The following CNOT1 variants were observed in gnomAD, a reference collection of about 807,000 sequenced individuals.
CNOT1 encodes CCR4-NOT transcription complex subunit 1.
CNOT1 carries 15 observed loss-of-function variants against 273.8 expected under a neutral mutation model. That is an observed-to-expected ratio of 0.05 (90% confidence interval 0.04 to 0.08). CNOT1 has a LOEUF of 0.08. Among genes scored for constraint, CNOT1 ranks in the 10% least tolerant of loss-of-function variants. The pLI, the probability that CNOT1 is intolerant of heterozygous loss-of-function variation, is 1.00. For synonymous variants in CNOT1, 1,022 were observed against 1,005.5 expected (o/e 1.02, Z -0.31); for missense variants, 1,644 against 2,912.2 (o/e 0.56, Z 10.02).
intron 18 of CNOT1, among the ~76,000 whole-genome samples, chr16:58,557,714 C>T (rs780023737): frequency 2.0e-5 from 3 of 152,136 alleles, no homozygotes; most frequent in Non-Finnish European, 2.9e-5. Context: ...TGTGGCCAAG[C>T]GCAGTGGCTC....
At chr16:58,626,000 T>C (rs774774802) in intron 1 of CNOT1, among the ~76,000 whole-genome samples, 1 of 152,140 alleles carries the variant, frequency 6.6e-6, no homozygotes, top group Non-Finnish European at 1.5e-5. Context: ...AGTCACTCAA[T>C]GGGATGCCAT....
chr16:58,554,762 C>G (rs192855855), intron 21 of CNOT1, among the ~76,000 whole-genome samples: 1 of 151,546 alleles, frequency 6.6e-6, no homozygotes, highest in African/African-American at 2.4e-5. Flanking sequence ...ATGGTGGAAC[C>G]CTGTCTCTAC....
intron 38 of CNOT1, among the ~76,000 whole-genome samples, chr16:58,537,629 T>C (rs1204293557): frequency 2.0e-5 from 3 of 152,194 alleles, no homozygotes; most frequent in Non-Finnish European, 4.4e-5. Flanking sequence ...TCAGAAAGCT[T>C]TTAAGTGGCA....
chr16:58,612,937 T>G (rs1306113232), intron 1 of CNOT1, among the ~76,000 whole-genome samples: 1 of 152,166 alleles, frequency 6.6e-6, no homozygotes, highest in African/African-American at 2.4e-5. Context: ...TCTTTAATCC[T>G]CACAACTCAA....
At chr16:58,545,619 T>C (rs1242267167) in intron 29 of CNOT1, 128 bp from the exon 30 acceptor site, 297 of 976,230 alleles carry the variant, frequency 3.0e-4, no homozygotes, top group East Asian at 7.3e-4. Context: ...GGGAAGGATG[T>C]AGCAGGTCCT....
intron 2 of CNOT1, among the ~76,000 whole-genome samples, chr16:58,590,610 A>G (rs1273382023): frequency 6.6e-6 from 1 of 151,708 alleles, no homozygotes; most frequent in African/African-American, 2.4e-5. Context: ...AAAAAAAAAT[A>G]GAACAGAGTC....
At position 58,552,572 on chromosome 16, in the gene CNOT1, C is replaced by G. The variant is rs16960245; in HGVS notation, c.2971-753G>C. On this transcript the variant is annotated intron_variant, in intron 22 of 48. Coordinates refer to ENST00000317147, the MANE Select transcript of CNOT1 (RefSeq NM_016284.5). ...TATATTCCTGTCTCTTAATTTGTCT[C>G]AATCCACTCACTTGAATGAATATAC... is the stretch of plus-strand genomic sequence containing the variant. Among the ~76,000 whole-genome samples, 394 of 152,270 alleles carry G rather than the reference C, an allele frequency of 2.6e-3. 3 individuals carry two copies. Among genetic ancestry groups the G allele is most frequent in the African/African-American group, 8.8e-3 (366 of 41,554 alleles).
Position 58,521,750 on chromosome 16 carries a change from G to C in CNOT1, c.6918-433C>G, listed in dbSNP as rs187529915. 3.6e-4 allele frequency among the ~76,000 whole-genome samples: 54 copies of C among 151,908 alleles called. 2 individuals are homozygous for C. The South Asian group carries it at 0.011, about 31-fold the overall frequency. On this transcript the variant is annotated intron_variant, in intron 47 of 48. Transcript: ENST00000317147. The stretch of plus-strand genomic sequence containing the variant: ...GTGGATCACCTGAGGTCAGGAGTTC[G>C]AGACCAGCCTGGCCAACATGGTGAA...
At chr16:58,564,931 C>T (rs545333305) in intron 16 of CNOT1, among the ~76,000 whole-genome samples, 6 of 151,732 alleles carry the variant, frequency 4.0e-5, no homozygotes, top group South Asian at 2.1e-4. Context: ...AGAAAAACTC[C>T]GTCTCAAAAA....
chr16:58,573,199 G>A (rs2041339693), intron 16 of CNOT1, among the ~76,000 whole-genome samples: 3 of 151,022 alleles, frequency 2.0e-5, no homozygotes, highest in Middle Eastern at 3.2e-3. Flanking sequence ...CCAGCTACTC[G>A]GCAGGCTGAG....
At chr16:58,608,667 C>CAT (rs34055357) in intron 1 of CNOT1, among the ~76,000 whole-genome samples, 112,596 of 151,804 alleles carry the variant, frequency 0.74, 42,171 homozygotes, top group Middle Eastern at 0.86. Context: ...TACTTGCACA[C>CAT]GTTTACAGCA....
intron 2 of CNOT1, among the ~76,000 whole-genome samples, chr16:58,595,875 AAGTC>A (rs1464320553): frequency 1.3e-5 from 2 of 152,198 alleles, no homozygotes; most frequent in African/African-American, 4.8e-5. Context: ...TTTTGTGTTT[AAGTC>A]AGAGGTGGAA....
chr16:58,596,778 C>A (rs973211060), intron 2 of CNOT1, among the ~76,000 whole-genome samples: 1 of 150,092 alleles, frequency 6.7e-6, no homozygotes, highest in Non-Finnish European at 1.5e-5. Flanking sequence ...GTCCCAGCTA[C>A]TCGGGAGGCT....
chr16:58,622,571 T>C (rs1165505153), intron 1 of CNOT1, among the ~76,000 whole-genome samples: 3 of 152,046 alleles, frequency 2.0e-5, no homozygotes, highest in Non-Finnish European at 4.4e-5. Context: ...AGCTTAAGAA[T>C]ATTATAGGCT....
intron 2 of CNOT1, chr16:58,598,008 A>C (rs2042322914): frequency 4.8e-6 from 1 of 206,240 alleles, no homozygotes; most frequent in Admixed American, 5.9e-5. Context: ...TCACGCCTAT[A>C]ATCCCAGCAC....
rs145116433 is a variant in CNOT1 at position 58,586,618 on chromosome 16, G to A, written c.564C>T (p.Leu188=). ...IEVLHLLLSH[L]LFGQKGAFGV... ...CAAAGGCTCCCTTCTGCCCAAAGAG[G>A]AGATGGGAGAGGAGGAGGTGTAGGA... Residue 188 remains leucine (L), a synonymous_variant, in exon 7 of 49, where the codon CTC becomes CTT. Coordinates refer to ENST00000317147, the MANE Select transcript of CNOT1 (RefSeq NM_016284.5). The A allele has an allele frequency of 6.2e-7, 1 of 1,612,810 alleles. No homozygotes were observed. Among genetic ancestry groups the A allele is most frequent in the African/African-American group, 1.3e-5 (1 of 74,698 alleles).
At chr16:58,572,284 C>CA (rs879400589) in intron 16 of CNOT1, among the ~76,000 whole-genome samples, 476 of 128,812 alleles carry the variant, frequency 3.7e-3, no homozygotes, top group Middle Eastern at 4.2e-3. Flanking sequence ...AACTCCATCT[C>CA]AAAAAAAAAA....
At chr16:58,545,241 T>C in intron 30 of CNOT1, 120 bp downstream of exon 30, 1 of 1,479,618 alleles carries the variant, frequency 6.8e-7, no homozygotes, top group Non-Finnish European at 9.1e-7. Context: ...CCATCCTCTC[T>C]GACAAACTCT....
intron 2 of CNOT1, among the ~76,000 whole-genome samples, chr16:58,591,755 G>GAA (rs34192497): frequency 2.9e-5 from 4 of 137,040 alleles, no homozygotes; most frequent in South Asian, 2.3e-4. Context: ...ACTCCGTCTC[G>GAA]AAAAAAAAAA....
Sources: gnomAD v4.1 joint callset for allele counts (sites outside exome capture counted in the v4.1 genomes callset) on GRCh38, gnomAD v4.1.1 for gene constraint, MANE v1.5 for transcripts, NCBI Gene and HGNC (gene_info 2026-07-23, HGNC 2026-07-21) for gene names.